Variants in ZRANB3 observed in about 807,000 individuals in gnomAD.
ZRANB3 encodes the protein DNA annealing helicase and endonuclease ZRANB3.
A neutral mutation model predicts 133.8 loss-of-function variants in ZRANB3; 125 were observed. The observed-to-expected ratio is 0.93, with a 90% confidence interval of 0.81 to 1.08. The LOEUF (loss-of-function observed/expected upper bound fraction) is 1.08. ZRANB3 is among the 50% of genes least tolerant of loss of function. The probability of loss-of-function intolerance (pLI) is 0.00; values close to 1 mark genes in which losing one functional copy is unlikely to be tolerated. For missense variants in ZRANB3, 1,229 were observed against 1,275.5 expected, an observed-to-expected ratio of 0.96 and a Z score of 0.56; for synonymous variants, 387 against 432.7, an observed-to-expected ratio of 0.89 and a Z score of 1.31.
intron 6 of ZRANB3, among the ~76,000 whole-genome samples, chr2:135,316,406 GC>G (rs1452716946): frequency 1.3e-5 from 2 of 152,010 alleles, no homozygotes; most frequent in Non-Finnish European, 2.9e-5. Flanking sequence ...CAAAATACCA[GC>G]CCATAAAATT....
At chr2:135,224,398 C>T in intron 15 of ZRANB3, 28 bp downstream of exon 15, 1 of 1,533,972 alleles carries the variant, frequency 6.5e-7, no homozygotes, top group Non-Finnish European at 8.8e-7. Context: ...TTTTATGTTT[C>T]AAGTTACAGA....
At chr2:135,256,131 AT>A (rs1314283272) in intron 12 of ZRANB3, among the ~76,000 whole-genome samples, 1 of 151,808 alleles carries the variant, frequency 6.6e-6, no homozygotes, top group Non-Finnish European at 1.5e-5. Flanking sequence ...TCCAGGCTAA[AT>A]TTTGTTCTTT....
At chr2:135,501,695 A>G (rs1358046608) in intron 2 of ZRANB3, among the ~76,000 whole-genome samples, 2 of 152,124 alleles carry the variant, frequency 1.3e-5, no homozygotes, top group Non-Finnish European at 2.9e-5. Context: ...TTGATTTTTG[A>G]TGACACTGAA....
At chr2:135,421,694 C>T (rs1227913765) in intron 2 of ZRANB3, among the ~76,000 whole-genome samples, 1 of 152,062 alleles carries the variant, frequency 6.6e-6, no homozygotes, top group Non-Finnish European at 1.5e-5. Flanking sequence ...TCACTATCTA[C>T]AATCTCCTTA....
intron 2 of ZRANB3, among the ~76,000 whole-genome samples, chr2:135,471,980 G>T (rs571964848): frequency 7.0e-4 from 106 of 152,252 alleles, no homozygotes; most frequent in Admixed American, 1.2e-3. Flanking sequence ...CCCAAAGGAA[G>T]AAAGCAAAAT....
At chr2:135,406,409 A>C (rs557468053) in intron 2 of ZRANB3, among the ~76,000 whole-genome samples, 1 of 152,356 alleles carries the variant, frequency 6.6e-6, no homozygotes, top group South Asian at 2.1e-4. Flanking sequence ...AGGAGCTGGT[A>C]CCATTCCTTC....
At chr2:135,376,577 A>G (rs184397244) in intron 3 of ZRANB3, among the ~76,000 whole-genome samples, 1 of 152,344 alleles carries the variant, frequency 6.6e-6, no homozygotes, top group Admixed American at 6.5e-5. Flanking sequence ...TAAGTTAATA[A>G]AGCTGGTCTG....
intron 8 of ZRANB3, among the ~76,000 whole-genome samples, chr2:135,292,058 G>A (rs1441771982): frequency 5.3e-5 from 8 of 152,136 alleles, no homozygotes; most frequent in Non-Finnish European, 7.3e-5. Context: ...ATAAATGTAC[G>A]TGTGCATGTG....
At chr2:135,260,655 A>G (rs1679912534) in intron 12 of ZRANB3, among the ~76,000 whole-genome samples, 1 of 146,858 alleles carries the variant, frequency 6.8e-6, no homozygotes, top group Non-Finnish European at 1.5e-5. Flanking sequence ...TGTACTATAT[A>G]TACTTGAATT....
chr2:135,432,859 G>A (rs1359860252), intron 2 of ZRANB3, among the ~76,000 whole-genome samples: 2 of 152,192 alleles, frequency 1.3e-5, no homozygotes, highest in African/African-American at 4.8e-5. Flanking sequence ...GGAACATTCT[G>A]TCACTGTTCC....
At chr2:135,394,275 T>C (rs1223201231) in intron 2 of ZRANB3, among the ~76,000 whole-genome samples, 1 of 152,024 alleles carries the variant, frequency 6.6e-6, no homozygotes, top group Non-Finnish European at 1.5e-5. Flanking sequence ...ACCATTTCAG[T>C]AAAAATACCT....
At chr2:135,332,266 C>G (rs1001340224) in intron 6 of ZRANB3, among the ~76,000 whole-genome samples, 1 of 151,934 alleles carries the variant, frequency 6.6e-6, no homozygotes, top group African/African-American at 2.4e-5. Flanking sequence ...TATTAAGTTC[C>G]ACTGCTTGAT....
Position 135,384,920 on chromosome 2 carries a change from T to C in ZRANB3, c.180+5882A>G, listed in dbSNP as rs78646427. On this transcript the variant is annotated intron_variant, in intron 3 of 20. Coordinates refer to ENST00000264159, the MANE Select transcript of ZRANB3 (RefSeq NM_032143.4). ...TGGGCAAAAACTGGAAGCATTCCCT[T>C]TGAAAGCTGGCACAAGACACGGATG... is the stretch of plus-strand genomic sequence containing the variant. Among the ~76,000 whole-genome samples, 34 of 152,226 alleles carry C rather than the reference T, an allele frequency of 2.2e-4. No individual in the cohort carries two copies. The South Asian group carries it at 5.6e-3, about 25-fold the overall frequency.
rs769271961 is a variant in ZRANB3 at position 135,418,925 on chromosome 2, C to CTTTTT, written c.162-28110_162-28106dup. 2.1e-3 allele frequency among the ~76,000 whole-genome samples: 184 copies of CTTTTT among 85,904 alleles called. 18 individuals carry two copies. Among genetic ancestry groups the CTTTTT allele is most frequent in the East Asian group, 6.0e-3 (11 of 1,846 alleles). 56.4% of individuals were successfully genotyped at this position (85,904 alleles called of 152,430 possible). On this transcript the variant is annotated intron_variant, in intron 2 of 20. Transcript: ENST00000264159. The stretch of plus-strand genomic sequence containing the variant: ...AAGTAATGAAAAATAAGGATTCTCT[C>CTTTTT]TTTTTTTTTTTTTTTTTTTTTTTTT...
intron 1 of ZRANB3, among the ~76,000 whole-genome samples, chr2:135,521,829 A>C (rs1693954077): frequency 6.6e-6 from 1 of 152,164 alleles, no homozygotes; most frequent in African/African-American, 2.4e-5. Context: ...CTCACGCTAA[A>C]ACTTGAAGAG....
At chr2:135,204,323 T>C (rs770357813) in intron 19 of ZRANB3, among the ~76,000 whole-genome samples, 5 of 152,112 alleles carry the variant, frequency 3.3e-5, no homozygotes, top group Non-Finnish European at 7.4e-5. Context: ...GCAAATGGCA[T>C]AGTCTTAGGG....
At chr2:135,405,387 C>T (rs1221592764) in intron 2 of ZRANB3, among the ~76,000 whole-genome samples, 4 of 152,266 alleles carry the variant, frequency 2.6e-5, no homozygotes, top group African/African-American at 9.6e-5. Flanking sequence ...TTTAACATGC[C>T]ACTGTCAACA....
At chr2:135,215,186 A>C (rs1368737081) in intron 17 of ZRANB3, among the ~76,000 whole-genome samples, 1 of 152,142 alleles carries the variant, frequency 6.6e-6, no homozygotes, top group Non-Finnish European at 1.5e-5. Flanking sequence ...CCAAAGTGCT[A>C]GGATTACAGG....
chr2:135,398,212 C>T (rs1687586159), intron 2 of ZRANB3, among the ~76,000 whole-genome samples: 1 of 151,748 alleles, frequency 6.6e-6, no homozygotes, highest in South Asian at 2.1e-4. Flanking sequence ...ACTATAGGTG[C>T]CCGCCACCAC....
Sources: allele counts gnomAD v4.1 joint callset (sites outside exome capture counted in the v4.1 genomes callset), GRCh38; gene constraint gnomAD v4.1.1; transcripts MANE v1.5; gene names NCBI Gene and HGNC (gene_info 2026-07-23, HGNC 2026-07-21).